The following RBFOX2 variants were observed in gnomAD, a reference collection of about 807,000 sequenced individuals.
RBFOX2 encodes the protein RNA binding fox-1 homolog 2.
RBFOX2 carries 10 observed loss-of-function variants against 49.1 expected under a neutral mutation model. The observed-to-expected ratio is 0.20, with a 90% CI of 0.13 to 0.35. The LOEUF (loss-of-function observed/expected upper bound fraction) is 0.35, where lower values mean the gene tolerates loss of function less well. RBFOX2 is among the 10% of genes least tolerant of loss of function. The pLI, the probability that RBFOX2 is intolerant of heterozygous loss-of-function variation, is 1.00. For synonymous variants in RBFOX2, 183 were observed against 187.4 expected (o/e 0.98, Z 0.19); for missense variants, 323 against 486.9 (o/e 0.66, Z 3.17).
chr22:35,787,936 T>C (rs1946761941), intron 2 of RBFOX2, among the ~76,000 whole-genome samples: 1 of 152,210 alleles, frequency 6.6e-6, no homozygotes, highest in Non-Finnish European at 1.5e-5. Flanking sequence ...GATGCAATCA[T>C]ATGGCTAAAA....
At chr22:36,009,059 A>C (rs1288731344) in intron 1 of RBFOX2, among the ~76,000 whole-genome samples, 2 of 152,198 alleles carry the variant, frequency 1.3e-5, no homozygotes, top group Non-Finnish European at 2.9e-5. Flanking sequence ...TCACACAGTT[A>C]ATATCTCATG....
chr22:35,852,486 TAAAAAAAAAAAA>T (rs576605291), intron 1 of RBFOX2, among the ~76,000 whole-genome samples: 2 of 128,982 alleles, frequency 1.6e-5, no homozygotes, highest in African/African-American at 5.7e-5. Flanking sequence ...CCTTTCTTTT[TAAAAAAAAAAAA>T]AAAAAAAGAA....
rs748996915 is a variant in RBFOX2, at chr22:35,768,254, C to T, written c.546+3G>A. On this transcript the variant is annotated splice_donor_region_variant and intron_variant, in intron 5 of 11. Coordinates refer to ENST00000405409, the Ensembl canonical transcript of RBFOX2. ...CAGAAATTGAATTATTAAAGACATG[C>T]ACCTCGATTTTACGGCCCTCTACCA... 6.8e-6 allele frequency: 11 copies of T among 1,612,802 alleles called. 1 individual carries two copies. The South Asian group carries it at 1.2e-4, about 18-fold the overall frequency.
In RBFOX2 at chr22:35,880,125, A is replaced by C. The variant is rs145926195; in HGVS notation, c.-34+58722T>G. On this transcript the variant is annotated intron_variant, in intron 1 of 13. Coordinates refer to the RBFOX2 transcript ENST00000359369. Reference sequence around the variant, plus strand: ...GAGCCAGATCATGCCACGGCACTGCAGCCTGGGCGACAGAGCGAGACTGAG... The same window carrying C: ...GAGCCAGATCATGCCACGGCACTGCCGCCTGGGCGACAGAGCGAGACTGAG... 1.2e-3 allele frequency among the ~76,000 whole-genome samples: 189 copies of C among 152,252 alleles called. 1 individual carries two copies. Among genetic ancestry groups the C allele is most frequent in the African/African-American group, 4.4e-3 (183 of 41,528 alleles).
At chr22:35,990,274 CT>C (rs1260300638) in intron 1 of RBFOX2, among the ~76,000 whole-genome samples, 4 of 152,068 alleles carry the variant, frequency 2.6e-5, no homozygotes, top group Non-Finnish European at 5.9e-5. Flanking sequence ...AGGCAGAGAG[CT>C]GTACTGAGTT....
intron 1 of RBFOX2, among the ~76,000 whole-genome samples, chr22:35,920,799 A>C (rs959281960): frequency 6.6e-6 from 1 of 152,244 alleles, no homozygotes; most frequent in Non-Finnish European, 1.5e-5. Flanking sequence ...AGTAGGCCTG[A>C]GCTGGAGGCA....
At chr22:35,763,548 A>G (rs1939740967) in intron 6 of RBFOX2, among the ~76,000 whole-genome samples, 1 of 152,220 alleles carries the variant, frequency 6.6e-6, no homozygotes, top group African/African-American at 2.4e-5. Flanking sequence ...GGTGACAGAG[A>G]GACTCTGCCT....
At chr22:35,945,999 CT>C (rs1037452155) in intron 1 of RBFOX2, among the ~76,000 whole-genome samples, 1 of 151,974 alleles carries the variant, frequency 6.6e-6, no homozygotes, top group African/African-American at 2.4e-5. Context: ...CCGCTCCCCC[CT>C]TTTTTTTAAA....
At chr22:35,978,925 A>G (rs1248672676) in intron 1 of RBFOX2, among the ~76,000 whole-genome samples, 2 of 152,218 alleles carry the variant, frequency 1.3e-5, no homozygotes, top group East Asian at 3.8e-4. Context: ...TCTGTTGAGG[A>G]ACAGGATAGT....
chr22:35,983,997 C>T (rs2057585455), intron 1 of RBFOX2, among the ~76,000 whole-genome samples: 1 of 152,142 alleles, frequency 6.6e-6, no homozygotes, highest in African/African-American at 2.4e-5. Context: ...AAATAGCTCT[C>T]CTCTTCCACT....
chr22:35,906,625 G>T (rs2049153654), intron 1 of RBFOX2, among the ~76,000 whole-genome samples: 2 of 152,122 alleles, frequency 1.3e-5, no homozygotes, highest in African/African-American at 4.8e-5. Flanking sequence ...GGCCAGCCTG[G>T]CCAACAGAGT....
chr22:35,937,464 A>G (rs1034624489), intron 1 of RBFOX2, among the ~76,000 whole-genome samples: 3 of 152,234 alleles, frequency 2.0e-5, no homozygotes, highest in African/African-American at 7.2e-5. Flanking sequence ...GGCCACTCTG[A>G]TATCAACTCA....
At chr22:35,915,286 C>T (rs2050285444) in intron 1 of RBFOX2, among the ~76,000 whole-genome samples, 1 of 152,174 alleles carries the variant, frequency 6.6e-6, no homozygotes, top group South Asian at 2.1e-4. Context: ...GGGAAGTCTG[C>T]CCAAGTTATT....
intron 1 of RBFOX2, among the ~76,000 whole-genome samples, chr22:36,014,475 T>C (rs1304088660): frequency 6.6e-6 from 1 of 152,148 alleles, no homozygotes; most frequent in Non-Finnish European, 1.5e-5. Context: ...TTAAATAATT[T>C]CCTAACTTAA....
At chr22:35,741,828 T>C (rs1182601849) in exon 12 of RBFOX2, 10 of 152,630 alleles carry the variant, frequency 6.6e-5, no homozygotes, top group Admixed American at 5.9e-4. Flanking sequence ...TCCTTACCTC[T>C]TTCTAGGAAA....
intron 1 of RBFOX2, among the ~76,000 whole-genome samples, chr22:35,979,458 T>A (rs998608007): frequency 1.3e-5 from 2 of 152,144 alleles, no homozygotes; most frequent in Non-Finnish European, 2.9e-5. Flanking sequence ...GGAATACACA[T>A]TGAAGTGTTT....
intron 1 of RBFOX2, among the ~76,000 whole-genome samples, chr22:35,977,722 CTATATATATATATATATA>C (rs375088964): frequency 2.5e-4 from 20 of 80,876 alleles, no homozygotes; most frequent in South Asian, 5.5e-4. Flanking sequence ...CCTGAATGAA[CTATATATATATATATATA>C]TATATATATA....
chr22:35,871,177 A>C (rs1342287106), intron 1 of RBFOX2, among the ~76,000 whole-genome samples: 1 of 152,226 alleles, frequency 6.6e-6, no homozygotes, highest in Non-Finnish European at 1.5e-5. Context: ...GATGAATGGA[A>C]ACGCAACTTT....
At chr22:35,838,264 CTTTT>C (rs527350781) in intron 1 of RBFOX2, among the ~76,000 whole-genome samples, 1 of 142,632 alleles carries the variant, frequency 7.0e-6, no homozygotes, top group Non-Finnish European at 1.5e-5. Context: ...TATTTCTTTT[CTTTT>C]TTTTTTTTTA....
Sources: gnomAD v4.1 joint callset for allele counts (sites outside exome capture counted in the v4.1 genomes callset) on GRCh38, gnomAD v4.1.1 for gene constraint, MANE v1.5 for transcripts, NCBI Gene and HGNC (gene_info 2026-07-23, HGNC 2026-07-21) for gene names.